CSMD3: variants seen among roughly 807,000 people sequenced by gnomAD.
CSMD3 encodes CUB and Sushi multiple domains 3.
In CSMD3, 177 loss-of-function variants were observed where a neutral mutation model predicts 435.2. The ratio of observed to expected loss-of-function variants is 0.41; its 90% confidence interval spans 0.36 to 0.46. CSMD3 has a LOEUF of 0.46. Among genes scored for constraint, CSMD3 ranks in the 20% least tolerant of loss-of-function variants. CSMD3 has a pLI of 0.34. For synonymous variants in CSMD3, 1,656 were observed against 1,520.5 expected, an observed-to-expected ratio of 1.09 and a Z score of -2.07; for missense variants, 4,265 against 4,504.6, an observed-to-expected ratio of 0.95 and a Z score of 1.52.
intron 7 of CSMD3, among the ~76,000 whole-genome samples, chr8:112,958,270 C>A (rs1410160426): frequency 1.3e-5 from 2 of 152,092 alleles, no homozygotes; most frequent in Non-Finnish European, 2.9e-5. Context: ...CACAAAGATT[C>A]ATTTTCTTTT....
intron 1 of CSMD3, among the ~76,000 whole-genome samples, chr8:113,348,211 C>T (rs1045922243): frequency 9.9e-5 from 15 of 152,128 alleles, no homozygotes; most frequent in East Asian, 1.9e-4. Flanking sequence ...TTAATGTATT[C>T]GTGTGCCTGT....
chr8:112,836,315 C>A (rs1434825124), intron 11 of CSMD3, among the ~76,000 whole-genome samples: 1 of 151,822 alleles, frequency 6.6e-6, no homozygotes, highest in Non-Finnish European at 1.5e-5. Context: ...GCTTACCCAA[C>A]AGCCACCTTC....
intron 32 of CSMD3, among the ~76,000 whole-genome samples, chr8:112,454,380 C>T (rs6997868): frequency 0.012 from 1,805 of 152,144 alleles, 32 homozygotes; most frequent in African/African-American, 0.041. Context: ...AAAGATCTAA[C>T]ACTCATAATC....
intron 3 of CSMD3, among the ~76,000 whole-genome samples, chr8:113,216,199 G>A (rs1267494734): frequency 6.6e-6 from 1 of 151,422 alleles, no homozygotes; most frequent in Admixed American, 6.6e-5. Context: ...TTATTGCTCA[G>A]TCATACAATT....
At chr8:113,349,337 T>C (rs369450614) in intron 1 of CSMD3, among the ~76,000 whole-genome samples, 3 of 152,162 alleles carry the variant, frequency 2.0e-5, no homozygotes, top group East Asian at 1.9e-4. Flanking sequence ...AAAGTTTATG[T>C]CTTACAGCAA....
chr8:113,070,154 G>A (rs563830582), intron 5 of CSMD3, among the ~76,000 whole-genome samples: 2 of 152,044 alleles, frequency 1.3e-5, no homozygotes, highest in Non-Finnish European at 2.9e-5. Context: ...AGAAGGTGGA[G>A]GAGAAATAGC....
chr8:113,359,224 C>T (rs577646342), intron 1 of CSMD3, among the ~76,000 whole-genome samples: 1 of 152,288 alleles, frequency 6.6e-6, no homozygotes, highest in Non-Finnish European at 1.5e-5. Context: ...TACTTCTCAT[C>T]TCACAGGATC....
intron 13 of CSMD3, among the ~76,000 whole-genome samples, chr8:112,781,504 C>T (rs1003692650): frequency 6.6e-6 from 1 of 152,112 alleles, no homozygotes; most frequent in African/African-American, 2.4e-5. Context: ...AAGAAACCAA[C>T]CACCTGGAAG....
At chr8:112,754,322 C>A (rs16884061) in intron 13 of CSMD3, among the ~76,000 whole-genome samples, 1 of 152,016 alleles carries the variant, frequency 6.6e-6, no homozygotes, top group Non-Finnish European at 1.5e-5. Context: ...GGTCTCCTTT[C>A]GAAATATACA....
At chr8:113,068,997 G>T (rs1445172808) in intron 5 of CSMD3, among the ~76,000 whole-genome samples, 1 of 150,652 alleles carries the variant, frequency 6.6e-6, no homozygotes, top group Non-Finnish European at 1.5e-5. Flanking sequence ...ACAGTTACTA[G>T]GGAGTTAAGC....
At position 113,399,106 on chromosome 8, in the gene CSMD3, T is replaced by TATATATATATACACACAC. The variant is rs773585004; in HGVS notation, c.178+37570_178+37571insGTGTGTGTATATATATAT. Among the ~76,000 whole-genome samples, 134 of 95,040 alleles carry TATATATATATACACACAC rather than the reference T, an allele frequency of 1.4e-3. 2 individuals carry two copies. Among genetic ancestry groups the TATATATATATACACACAC allele is most frequent in the African/African-American group, 4.6e-3 (102 of 22,124 alleles). 62.3% of individuals were successfully genotyped at this position (95,040 alleles called of 152,430 possible). On this transcript the variant is annotated intron_variant, in intron 1 of 70. Coordinates refer to ENST00000297405, the MANE Select transcript of CSMD3 (RefSeq NM_198123.2). ...ATATATATATATATATATATATATA[T>TATATATATATACACACAC]ACACACACACACACACACTATATAT... is the stretch of plus-strand genomic sequence containing the variant.
intron 3 of CSMD3, among the ~76,000 whole-genome samples, chr8:113,273,319 T>C (rs921382905): frequency 6.6e-6 from 1 of 152,022 alleles, no homozygotes; most frequent in Non-Finnish European, 1.5e-5. Context: ...CTAATAAAAT[T>C]AGCAGGATTA....
At chr8:112,231,420 C>T in intron 69 of CSMD3, 125 bp downstream of exon 69, 1 of 731,222 alleles carries the variant, frequency 1.4e-6, no homozygotes, top group Non-Finnish European at 2.5e-6. Flanking sequence ...GGTATCAATG[C>T]ATAGTTCTGG....
intron 4 of CSMD3, among the ~76,000 whole-genome samples, chr8:113,134,224 T>C (rs1012189029): frequency 2.0e-5 from 3 of 152,068 alleles, no homozygotes; most frequent in African/African-American, 7.2e-5. Context: ...CTTTCCAGCA[T>C]TTTGTCACTT....
chr8:113,269,637 G>C (rs1349795284), intron 3 of CSMD3, among the ~76,000 whole-genome samples: 1 of 151,816 alleles, frequency 6.6e-6, no homozygotes, highest in Admixed American at 6.6e-5. Flanking sequence ...ACAGAACAGA[G>C]CCCTCAGAAA....
At chr8:112,531,455 G>A (rs1203519641) in intron 27 of CSMD3, among the ~76,000 whole-genome samples, 1 of 152,142 alleles carries the variant, frequency 6.6e-6, no homozygotes, top group African/African-American at 2.4e-5. Flanking sequence ...AGTTACAACA[G>A]CCACAGGAAT....
At chr8:112,809,590 T>C (rs895615959) in intron 12 of CSMD3, among the ~76,000 whole-genome samples, 1 of 152,310 alleles carries the variant, frequency 6.6e-6, no homozygotes, top group Middle Eastern at 3.4e-3. Flanking sequence ...AAATGTTATT[T>C]GTTACACTAC....
At chr8:112,885,286 T>A (rs755221220) in intron 10 of CSMD3, among the ~76,000 whole-genome samples, 41 of 151,324 alleles carry the variant, frequency 2.7e-4, no homozygotes, top group Admixed American at 4.6e-4. Flanking sequence ...TCTGTGGAGG[T>A]GAAACAGAGG....
chr8:112,975,416 T>A (rs1243821522), intron 7 of CSMD3, among the ~76,000 whole-genome samples: 2 of 152,246 alleles, frequency 1.3e-5, no homozygotes, highest in East Asian at 3.9e-4. Flanking sequence ...AAAAATATCA[T>A]GCAAACGCTA....
Sources: gnomAD v4.1 joint callset for allele counts (sites outside exome capture counted in the v4.1 genomes callset) on GRCh38, gnomAD v4.1.1 for gene constraint, MANE v1.5 for transcripts, NCBI Gene and HGNC (gene_info 2026-07-23, HGNC 2026-07-21) for gene names.